The following KCNQ5 variants were observed in gnomAD, a reference collection of about 807,000 sequenced individuals.
KCNQ5 encodes potassium voltage-gated channel subfamily Q member 5.
In KCNQ5, 30 loss-of-function variants were observed where a neutral mutation model predicts 98.2. The ratio of observed to expected loss-of-function variants is 0.31; its 90% confidence interval spans 0.23 to 0.41. KCNQ5 has a LOEUF of 0.41. KCNQ5 is among the 10% of genes least tolerant of loss of function. The pLI is 1.00. For missense variants in KCNQ5, 835 were observed against 1,182.5 expected, an observed-to-expected ratio of 0.71 and a Z score of 4.31; for synonymous variants, 458 against 449.4, an observed-to-expected ratio of 1.02 and a Z score of -0.24.
At chr6:72,760,736 G>A (rs572334823) in intron 1 of KCNQ5, among the ~76,000 whole-genome samples, 1 of 152,104 alleles carries the variant, frequency 6.6e-6, no homozygotes, top group Non-Finnish European at 1.5e-5. Flanking sequence ...ATGTAGGAGT[G>A]TGTTTACTGT....
chr6:72,830,568 T>G (rs932868119), intron 1 of KCNQ5, among the ~76,000 whole-genome samples: 1 of 152,124 alleles, frequency 6.6e-6, no homozygotes, highest in African/African-American at 2.4e-5. Context: ...CCTTACACCT[T>G]ATACAAAAAT....
intron 1 of KCNQ5, among the ~76,000 whole-genome samples, chr6:72,985,168 T>C (rs918268517): frequency 6.6e-6 from 1 of 152,178 alleles, no homozygotes; most frequent in African/African-American, 2.4e-5. Context: ...ATCTGGCCAC[T>C]GTACACCAGT....
chr6:72,642,639 A>T (rs57838719), intron 1 of KCNQ5, among the ~76,000 whole-genome samples: 18,792 of 152,174 alleles, frequency 0.12, 1,271 homozygotes, highest in East Asian at 0.23. Flanking sequence ...GAGAAAAGGG[A>T]ACTCTCATAA....
At chr6:73,122,768 A>G (rs1291810320) in intron 8 of KCNQ5, among the ~76,000 whole-genome samples, 1 of 152,226 alleles carries the variant, frequency 6.6e-6, no homozygotes, top group African/African-American at 2.4e-5. Flanking sequence ...AAGATAATCA[A>G]TGCACGAGAA....
At chr6:73,031,891 A>G (rs1026822630) in intron 2 of KCNQ5, among the ~76,000 whole-genome samples, 2 of 152,222 alleles carry the variant, frequency 1.3e-5, no homozygotes, top group Non-Finnish European at 2.9e-5. Flanking sequence ...TCCCAGTATA[A>G]GAGCAATTCC....
chr6:73,056,425 A>G (rs1772497073), intron 3 of KCNQ5, among the ~76,000 whole-genome samples: 1 of 152,126 alleles, frequency 6.6e-6, no homozygotes, highest in South Asian at 2.1e-4. Context: ...TATAGTGTAT[A>G]TAAATAATAC....
intron 1 of KCNQ5, among the ~76,000 whole-genome samples, chr6:72,632,342 C>T (rs946836243): frequency 6.6e-5 from 10 of 151,962 alleles, no homozygotes; most frequent in Non-Finnish European, 1.0e-4. Flanking sequence ...GGGGTTTCAC[C>T]GTGTTAGCCA....
At chr6:73,158,334 C>G (rs1348589341) in intron 10 of KCNQ5, among the ~76,000 whole-genome samples, 3 of 147,854 alleles carry the variant, frequency 2.0e-5, no homozygotes, top group African/African-American at 7.4e-5. Flanking sequence ...ATGGCGCGAT[C>G]TCGGCTCACG....
At chr6:72,741,597 T>G (rs1222885364) in intron 1 of KCNQ5, among the ~76,000 whole-genome samples, 1 of 152,140 alleles carries the variant, frequency 6.6e-6, no homozygotes, top group East Asian at 1.9e-4. Context: ...TTCTGGTCCA[T>G]AATCTTCATT....
In KCNQ5 at chr6:72,686,717, G is replaced by GTT. The variant is rs1554688157; in HGVS notation, c.398+64149_398+64150dup. Among the ~76,000 whole-genome samples the GTT allele has an allele frequency of 5.6e-3, 550 of 97,464 alleles. 1 individual carries two copies. Among genetic ancestry groups the GTT allele is most frequent in the South Asian group, 0.016 (47 of 2,974 alleles). The allele number at this position is 97,464 out of a possible 152,430, so 63.9% of individuals were successfully genotyped here. A position where few individuals can be genotyped will look rare whatever the true frequency, so the allele number is the denominator to read the frequency against. ...TTTAGTTTGAGAATCTTTATGGGTT[G>GTT]TTTTTTTTTTTTTTTTTTTTACTTT... On this transcript the variant is annotated intron_variant, in intron 1 of 13. Coordinates refer to ENST00000370398, the MANE Select transcript of KCNQ5 (RefSeq NM_019842.4).
chr6:72,745,754 G>A (rs116189828), intron 1 of KCNQ5, among the ~76,000 whole-genome samples: 168 of 152,224 alleles, frequency 1.1e-3, no homozygotes, highest in African/African-American at 3.9e-3. Flanking sequence ...CTCTCTCACA[G>A]TACTTGATGC....
intron 11 of KCNQ5, among the ~76,000 whole-genome samples, chr6:73,184,145 T>G (rs1453672931): frequency 6.6e-6 from 1 of 152,252 alleles, no homozygotes; most frequent in Non-Finnish European, 1.5e-5. Context: ...TATTACATAT[T>G]TCTTGACTTC....
At chr6:73,190,232 T>C (rs1014561581) in intron 11 of KCNQ5, among the ~76,000 whole-genome samples, 14 of 152,310 alleles carry the variant, frequency 9.2e-5, no homozygotes, top group Admixed American at 9.1e-4. Context: ...TATTACTAGA[T>C]GTTGTATCTT....
At chr6:72,956,064 G>A (rs566250075) in intron 1 of KCNQ5, among the ~76,000 whole-genome samples, 14 of 152,248 alleles carry the variant, frequency 9.2e-5, no homozygotes, top group Admixed American at 2.6e-4. Context: ...CAACTAAAAG[G>A]TAAGAAAAGG....
At chr6:73,080,686 A>G (rs1424010869) in intron 5 of KCNQ5, among the ~76,000 whole-genome samples, 2 of 152,230 alleles carry the variant, frequency 1.3e-5, no homozygotes, top group African/African-American at 4.8e-5. Flanking sequence ...TAGGGAAATG[A>G]TAGCATCCTA....
rs144116307 is a variant in KCNQ5, at chr6:73,036,109, G to A, written c.490-5827G>A. Among the ~76,000 whole-genome samples the A allele has an allele frequency of 2.9e-3, 446 of 151,638 alleles. 4 individuals are homozygous for A. Among genetic ancestry groups the A allele is most frequent in the African/African-American group, 9.6e-3 (396 of 41,294 alleles). ...ATCAAGATATTGGACAGTTCCGGCC[G>A]GGCACGGTGGCTCACTCCTGTAATC... On this transcript the variant is annotated intron_variant, in intron 2 of 13. Coordinates refer to ENST00000370398, the MANE Select transcript of KCNQ5 (RefSeq NM_019842.4).
chr6:72,786,048 T>C (rs949551093), intron 1 of KCNQ5, among the ~76,000 whole-genome samples: 1 of 152,234 alleles, frequency 6.6e-6, no homozygotes, highest in East Asian at 1.9e-4. Flanking sequence ...ATTTTAATAA[T>C]AGATTTGATT....
At chr6:73,133,990 C>G (rs756030106) in intron 10 of KCNQ5, 2 of 481,930 alleles carry the variant, frequency 4.1e-6, no homozygotes, top group South Asian at 3.1e-5. Context: ...AGCAAAGGTC[C>G]AAGACCCAGG....
chr6:72,639,324 A>T (rs1001022244), intron 1 of KCNQ5, among the ~76,000 whole-genome samples: 1 of 152,236 alleles, frequency 6.6e-6, no homozygotes, highest in African/African-American at 2.4e-5. Context: ...GTGATGATGT[A>T]GAAAGCCAGG....
Sources: allele counts gnomAD v4.1 joint callset (sites outside exome capture counted in the v4.1 genomes callset), GRCh38; gene constraint gnomAD v4.1.1; transcripts MANE v1.5; gene names NCBI Gene and HGNC (gene_info 2026-07-23, HGNC 2026-07-21).